Variants in GSTA4 observed in about 807,000 individuals in gnomAD.
GSTA4 encodes glutathione S-transferase alpha 4.
GSTA4 carries 15 observed loss-of-function variants against 24.4 expected under a neutral mutation model. The observed-to-expected ratio is 0.61, with a 90% CI of 0.41 to 0.95. The LOEUF (loss-of-function observed/expected upper bound fraction) is 0.95, where lower values mean the gene tolerates loss of function less well. Ranked by LOEUF, GSTA4 falls within the 40% of genes least tolerant of loss-of-function variation. The pLI, the probability that GSTA4 is intolerant of heterozygous loss-of-function variation, is 0.00. For synonymous variants in GSTA4, 92 were observed against 94.2 expected (o/e 0.98, Z 0.13); for missense variants, 244 against 262.1 (o/e 0.93, Z 0.48).
chr6:52,978,992 G>C (rs1212437442), intron 6 of GSTA4, among the ~76,000 whole-genome samples: 1 of 152,056 alleles, frequency 6.6e-6, no homozygotes, highest in Non-Finnish European at 1.5e-5. Context: ...CCGGTATCAA[G>C]ATCAGAGTTT....
At chr6:52,984,709 G>A (rs1007968424) in intron 4 of GSTA4, 104 bp from the exon 5 acceptor site, 87 of 927,112 alleles carry the variant, frequency 9.4e-5, no homozygotes, top group Non-Finnish European at 7.6e-5. Flanking sequence ...TAAAGATGCT[G>A]CAACTTAAGT....
At chr6:52,990,231 T>C (rs979030275) in intron 2 of GSTA4, among the ~76,000 whole-genome samples, 1 of 152,216 alleles carries the variant, frequency 6.6e-6, no homozygotes, top group African/African-American at 2.4e-5. Flanking sequence ...CTCCCTGAAT[T>C]AGAAAAGGCT....
At chr6:52,982,889 G>C (rs1763480289) in intron 5 of GSTA4, among the ~76,000 whole-genome samples, 184 bp from the exon 6 acceptor site, 2 of 28,554 alleles carry the variant, frequency 7.0e-5, no homozygotes, top group African/African-American at 9.6e-5. Context: ...GAGGGGGAGA[G>C]AGAGAGAGAG....
At chr6:52,989,998 C>G (rs1199986158) in intron 2 of GSTA4, among the ~76,000 whole-genome samples, 2 of 151,626 alleles carry the variant, frequency 1.3e-5, no homozygotes, top group African/African-American at 4.8e-5. Context: ...GCTCAAGCCA[C>G]CACATTTAGC....
intron 2 of GSTA4, among the ~76,000 whole-genome samples, chr6:52,990,200 G>A (rs970711309): frequency 6.6e-6 from 1 of 152,188 alleles, no homozygotes; most frequent in Non-Finnish European, 1.5e-5. Context: ...CTCAAATTAA[G>A]TGACTGACCA....
chr6:52,991,133 T>C (rs527843195), intron 2 of GSTA4, among the ~76,000 whole-genome samples: 74 of 152,196 alleles, frequency 4.9e-4, no homozygotes, highest in Non-Finnish European at 9.0e-4. Flanking sequence ...AACGCATTAT[T>C]GTGAAAATTT....
chr6:52,982,604 A>G lies in GSTA4; in HGVS notation c.516T>C (p.Pro172=), dbSNP rs1368945128. 1.2e-6 allele frequency: 2 copies of G among 1,610,422 alleles called. No homozygotes were observed. Among genetic ancestry groups the G allele is most frequent in the Middle Eastern group, 1.7e-4 (1 of 6,052 alleles). ...QTILALEEKI[P]NILSAFPFLQ... ...GGAAAGGAAATGCAGACAGGATATT[A>G]GGAATTTTCTCTTCTAGAGCTAAAA... The change falls in exon 6 of 7, where the codon CCT becomes CCC. Residue 172 remains proline, a synonymous_variant. Coordinates refer to ENST00000370963, the MANE Select transcript of GSTA4 (RefSeq NM_001512.4).
intron 5 of GSTA4, among the ~76,000 whole-genome samples, 157 bp downstream of exon 5, chr6:52,984,307 G>C (rs1293865322): frequency 6.6e-6 from 1 of 152,208 alleles, no homozygotes; most frequent in African/African-American, 2.4e-5. Flanking sequence ...CCAGCTTTGT[G>C]CTGTGGCTAC....
chr6:52,991,756 CTTTT>C (rs11440808), intron 2 of GSTA4, among the ~76,000 whole-genome samples: 2 of 130,118 alleles, frequency 1.5e-5, no homozygotes, highest in Non-Finnish European at 1.6e-5. Context: ...CTATTAATAC[CTTTT>C]TTTTTTTTTT....
intron 2 of GSTA4, among the ~76,000 whole-genome samples, chr6:52,993,713 AT>A (rs1763708136): frequency 6.6e-6 from 1 of 152,192 alleles, no homozygotes; most frequent in African/African-American, 2.4e-5. Context: ...ATTTATTGGT[AT>A]TTGAAAATTT....
chr6:52,984,439 G>C, intron 5 of GSTA4, 25 bp downstream of exon 5: 1 of 1,604,566 alleles, frequency 6.2e-7, no homozygotes, highest in South Asian at 1.1e-5. Context: ...GTTGCTCTGT[G>C]TATGTAGGCA....
intron 5 of GSTA4, 50 bp downstream of exon 5, chr6:52,984,414 G>A (rs771368173): frequency 6.5e-7 from 1 of 1,544,596 alleles, no homozygotes; most frequent in Admixed American, 2.0e-5. Flanking sequence ...CAGCTTCTTT[G>A]TGGTTTGTGG....
chr6:52,991,931 A>C lies in GSTA4; in HGVS notation c.87+2226T>G, dbSNP rs1244978419. On this transcript the variant is annotated intron_variant, in intron 2 of 6. Transcript: ENST00000370963. ...GCCACCACACCCAGCTAATTTTTGT[A>C]TTTTTGGGAGAGACGGGGTTTCACC... is the stretch of plus-strand genomic sequence containing the variant. 2.0e-5 allele frequency among the ~76,000 whole-genome samples: 3 copies of C among 151,870 alleles called. No individual in the cohort carries two copies. The East Asian group carries it at 5.8e-4, about 29-fold the overall frequency.
chr6:52,986,126 A>T (rs1384180530), intron 3 of GSTA4, among the ~76,000 whole-genome samples: 2 of 152,184 alleles, frequency 1.3e-5, no homozygotes, highest in Admixed American at 6.5e-5. Flanking sequence ...ATACCTATCC[A>T]CAGTGATAAG....
intron 3 of GSTA4, among the ~76,000 whole-genome samples, chr6:52,985,792 C>T (rs1763541552): frequency 1.3e-5 from 2 of 152,172 alleles, no homozygotes; most frequent in South Asian, 2.1e-4. Context: ...GTGGCTCAAG[C>T]CTGTAATCCC....
In GSTA4 at chr6:52,978,443, C is replaced by T. The variant is rs1763385771; in HGVS notation, c.*27G>A. The T allele has an allele frequency of 6.2e-7, 1 of 1,610,048 alleles. No homozygotes were observed. The highest frequency in any genetic ancestry group is 8.5e-7 in the Non-Finnish European group (1 of 1,176,968). On this transcript the variant is annotated 3_prime_UTR_variant, in exon 7 of 7. Transcript: ENST00000370963. ...AGACAATACCATCTCTAGGAACACACTGTCACTCACACATGGATGTGTTGT... is the reference window on the plus strand; with the variant it reads ...AGACAATACCATCTCTAGGAACACATTGTCACTCACACATGGATGTGTTGT...
At chr6:52,987,275 G>A in intron 3 of GSTA4, 82 bp downstream of exon 3, 1 of 834,144 alleles carries the variant, frequency 1.2e-6, no homozygotes, top group Non-Finnish European at 2.0e-6. Context: ...CAGTGTCATT[G>A]AATACTTTTG....
chr6:52,978,409 C>T lies in GSTA4; in HGVS notation c.*61G>A. The stretch of plus-strand genomic sequence containing the variant: ...ATGACAGAGCTGGGATCCATTAAGA[C>T]ATGACTGTAGACAATACCATCTCTA... On this transcript the variant is annotated 3_prime_UTR_variant, in exon 7 of 7. Coordinates refer to ENST00000370963, the MANE Select transcript of GSTA4 (RefSeq NM_001512.4). 2 of 1,547,590 alleles carry T rather than the reference C, an allele frequency of 1.3e-6. No individual in the cohort carries two copies. Among genetic ancestry groups the T allele is most frequent in the Non-Finnish European group, 8.9e-7 (1 of 1,128,708 alleles).
At chr6:52,980,755 C>T (rs1216944719) in intron 6 of GSTA4, among the ~76,000 whole-genome samples, 1 of 152,328 alleles carries the variant, frequency 6.6e-6, no homozygotes, top group African/African-American at 2.4e-5. Flanking sequence ...ATCCCTGACT[C>T]CCCTGTGGCT....
Sources: gnomAD v4.1 joint callset for allele counts (sites outside exome capture counted in the v4.1 genomes callset) on GRCh38, gnomAD v4.1.1 for gene constraint, MANE v1.5 for transcripts, NCBI Gene and HGNC (gene_info 2026-07-23, HGNC 2026-07-21) for gene names.